Variants in ANKAR observed in about 807,000 individuals in gnomAD.
The protein encoded by ANKAR is ankyrin and armadillo repeat containing.
In ANKAR, 136 loss-of-function variants were observed where a neutral mutation model predicts 146.2. The ratio of observed to expected loss-of-function variants is 0.93; its 90% CI spans 0.81 to 1.07. ANKAR has a LOEUF of 1.07. ANKAR is among the 50% of genes least tolerant of loss of function. The pLI, the probability that ANKAR is intolerant of heterozygous loss-of-function variation, is 0.00. For missense variants in ANKAR, 1,567 were observed against 1,679.9 expected, an observed-to-expected ratio of 0.93 and a Z score of 1.18; for synonymous variants, 500 against 575.8, an observed-to-expected ratio of 0.87 and a Z score of 1.88.
At chr2:189,720,816 A>G (rs571675706) in intron 12 of ANKAR, 29 bp downstream of exon 12, 1 of 1,426,566 alleles carries the variant, frequency 7.0e-7, no homozygotes, top group Non-Finnish European at 9.2e-7. Context: ...ATTATTTTAT[A>G]ATGACCAGAT....
chr2:189,684,592 C>T (rs1313664969), intron 2 of ANKAR, among the ~76,000 whole-genome samples: 1 of 152,070 alleles, frequency 6.6e-6, no homozygotes, highest in Non-Finnish European at 1.5e-5. Context: ...CAGTGGCTCA[C>T]ACTTGTAATT....
At chr2:189,692,010 C>T (rs535985241) in intron 3 of ANKAR, among the ~76,000 whole-genome samples, 1 of 152,122 alleles carries the variant, frequency 6.6e-6, no homozygotes, top group Non-Finnish European at 1.5e-5. Context: ...GATCCGCCCC[C>T]CTCAGCCTCT....
rs766318645 is a variant in ANKAR at position 189,711,141 on chromosome 2, A to G, written c.2212A>G (p.Ile738Val). 2 of 1,611,868 alleles carry G rather than the reference A, an allele frequency of 1.2e-6. No homozygotes were observed. Among genetic ancestry groups the G allele is most frequent in the East Asian group, 4.5e-5 (2 of 44,770 alleles). Residue 738 changes from isoleucine to valine, a missense_variant, in exon 10 of 23, where the codon ATT becomes GTT. Coordinates refer to ENST00000684021, the MANE Select transcript of ANKAR (RefSeq NM_001378068.1). ...CLANDQYWRC[I>V]LDAGTIPALI... ...AGCAAATGATCAATACTGGAGATGT[A>G]TTTTGGATGCAGGTGATGCAAACTC...
downstream of ANKAR, among the ~76,000 whole-genome samples, chr2:189,751,629 G>A (rs1316845770): frequency 2.0e-5 from 3 of 151,072 alleles, no homozygotes; most frequent in African/African-American, 7.3e-5. Flanking sequence ...ATTTTCAGTA[G>A]AGACGGGGTT....
chr2:189,745,639 G>A (rs186636711), intron 22 of ANKAR, among the ~76,000 whole-genome samples: 117 of 152,296 alleles, frequency 7.7e-4, no homozygotes, highest in African/African-American at 2.7e-3. Context: ...CTTAGTGCTT[G>A]TTCGTGTAGG....
At chr2:189,679,060 G>T (rs1349549119) in intron 2 of ANKAR, among the ~76,000 whole-genome samples, 1 of 152,156 alleles carries the variant, frequency 6.6e-6, no homozygotes, top group Non-Finnish European at 1.5e-5. Flanking sequence ...CCATGAGCAT[G>T]GGATGTGTTT....
chr2:189,721,177 A>G (rs962502906), intron 12 of ANKAR, among the ~76,000 whole-genome samples: 1 of 151,798 alleles, frequency 6.6e-6, no homozygotes, highest in African/African-American at 2.4e-5. Context: ...TAGTAGAGAC[A>G]GGGTTTCACC....
At position 189,707,106 on chromosome 2, in the gene ANKAR, A is replaced by G. The variant is rs749479074; in HGVS notation, c.2079A>G (p.Lys693=). Residue 693 remains lysine (K), a synonymous_variant, in exon 9 of 23, where the codon AAA becomes AAG. Transcript: ENST00000684021. ...CAGAGGTTCTCAAATATATAATAAAATTAAATATTCCTGAACTCCCAGTGT... is the reference window on the plus strand; with the variant it reads ...CAGAGGTTCTCAAATATATAATAAAGTTAAATATTCCTGAACTCCCAGTGT... The part of the protein sequence containing the change: ...FHTEVLKYII[K]LNIPELPVWK... The G allele has an allele frequency of 6.3e-7, 1 of 1,578,212 alleles. No homozygotes were observed. Among genetic ancestry groups the G allele is most frequent in the South Asian group, 1.2e-5 (1 of 85,294 alleles).
intron 2 of ANKAR, among the ~76,000 whole-genome samples, chr2:189,682,571 C>G (rs1277716258): frequency 6.6e-6 from 1 of 152,154 alleles, no homozygotes; most frequent in East Asian, 1.9e-4. Context: ...TGGTCAGACT[C>G]TAAGAAAGGG....
chr2:189,747,809 T>C (rs2044384066), downstream of ANKAR, among the ~76,000 whole-genome samples: 1 of 152,106 alleles, frequency 6.6e-6, no homozygotes, highest in Non-Finnish European at 1.5e-5. Flanking sequence ...CCTCAGCCTC[T>C]TGAGTAGCTG....
chr2:189,733,406 T>C (rs2042581255), intron 17 of ANKAR, among the ~76,000 whole-genome samples, 177 bp downstream of exon 17: 1 of 152,196 alleles, frequency 6.6e-6, no homozygotes, highest in Non-Finnish European at 1.5e-5. Context: ...GCTCCATATT[T>C]TTCTGAGTTG....
At chr2:189,712,406 A>G (rs1336851361) in intron 10 of ANKAR, among the ~76,000 whole-genome samples, 1 of 151,048 alleles carries the variant, frequency 6.6e-6, no homozygotes, top group East Asian at 1.9e-4. Context: ...CAAAGGAATG[A>G]TCAGGCAGCA....
chr2:189,721,541 A>G (rs1422527743), intron 12 of ANKAR, among the ~76,000 whole-genome samples: 3 of 152,210 alleles, frequency 2.0e-5, no homozygotes, highest in Non-Finnish European at 2.9e-5. Flanking sequence ...TTTGACGTCA[A>G]AATTCAAGGT....
intron 2 of ANKAR, among the ~76,000 whole-genome samples, chr2:189,682,962 C>G (rs1351987179): frequency 1.3e-5 from 2 of 152,160 alleles, no homozygotes; most frequent in Non-Finnish European, 2.9e-5. Context: ...ACCTAATCAC[C>G]AATGGCATTA....
Position 189,719,588 on chromosome 2 carries a change from A to G in ANKAR, c.2241A>G (p.Leu747=), listed in dbSNP as rs2040998777. 6.2e-7 allele frequency: 1 copy of G among 1,610,662 alleles called. No homozygotes were observed. The highest frequency in any genetic ancestry group is 1.1e-5 in the South Asian group (1 of 90,862). The change falls in exon 11 of 23, where the codon TTA becomes TTG. Residue 747 remains leucine, a synonymous_variant. Transcript: ENST00000684021. ...CILDAGTIPA[L]INLLKSSKIK... ...TCATTACAGGCACCATTCCTGCCTT[A>G]ATCAATCTATTAAAAAGTTCCAAAA...
At chr2:189,680,952 G>C (rs1161261090) in intron 2 of ANKAR, among the ~76,000 whole-genome samples, 1 of 152,142 alleles carries the variant, frequency 6.6e-6, no homozygotes, top group Admixed American at 6.6e-5. Context: ...TGAGGTCCAC[G>C]GAGGTTAAGG....
rs58266699 is a variant in ANKAR at position 189,743,616 on chromosome 2, G to GACC, written c.4010+145_4010+147dup. 9.0e-3 allele frequency: 7,175 copies of GACC among 797,084 alleles called. 405 individuals are homozygous for GACC. In the African/African-American group the frequency reaches 0.11, roughly 13 times the overall value. 49.4% of individuals were successfully genotyped at this position (797,084 alleles called of 1,614,324 possible). On this transcript the variant is annotated intron_variant, in intron 21 of 22. Transcript: ENST00000684021. ...GCAGAGGATAAACTTTATTCTAAATGACCACTGCCACAACCTGTTTTAATT... is the reference window on the plus strand; with the variant it reads ...GCAGAGGATAAACTTTATTCTAAATGACCACCACTGCCACAACCTGTTTTAATT...
At chr2:189,762,850 G>C, downstream of ANKAR, 6 of 985,470 alleles carry the variant, frequency 6.1e-6, no homozygotes, top group Non-Finnish European at 7.2e-6. Context: ...CTAGCGAGCG[G>C]CATGCTTAGT....
At chr2:189,746,226 T>G (rs187392826) in intron 22 of ANKAR, among the ~76,000 whole-genome samples, 154 bp from the exon 23 acceptor site, 41 of 152,306 alleles carry the variant, frequency 2.7e-4, no homozygotes, top group African/African-American at 9.4e-4. Context: ...TCCCCACAAA[T>G]TTTTGGCCCC....
Sources: gnomAD v4.1 joint callset for allele counts (sites outside exome capture counted in the v4.1 genomes callset) on GRCh38, gnomAD v4.1.1 for gene constraint, MANE v1.5 for transcripts, NCBI Gene and HGNC (gene_info 2026-07-23, HGNC 2026-07-21) for gene names.